RGS7: variants seen among roughly 807,000 people sequenced by gnomAD.
RGS7 encodes the protein regulator of G-protein signaling 7.
A neutral mutation model predicts 81.1 loss-of-function variants in RGS7; 27 were observed. That is an observed-to-expected ratio of 0.33 (90% CI 0.25 to 0.46). The LOEUF is 0.46. RGS7 is among the 20% of genes least tolerant of loss of function. RGS7 has a pLI of 1.00. For synonymous variants in RGS7, 208 were observed against 207.7 expected (o/e 1.00, Z -0.01); for missense variants, 396 against 607.4 (o/e 0.65, Z 3.66).
chr1:240,944,291 T>TGC (rs1299518487), intron 4 of RGS7, among the ~76,000 whole-genome samples: 16 of 24,116 alleles, frequency 6.6e-4, no homozygotes, highest in South Asian at 5.7e-3. Flanking sequence ...TGTATATATA[T>TGC]ATATATATAT....
intron 2 of RGS7, among the ~76,000 whole-genome samples, chr1:241,331,977 C>T (rs566405973): frequency 6.6e-5 from 10 of 152,178 alleles, no homozygotes; most frequent in Non-Finnish European, 1.3e-4. Context: ...AGAGAACAAT[C>T]GAGTTTCCAA....
intron 3 of RGS7, among the ~76,000 whole-genome samples, chr1:241,077,220 A>G (rs2062853296): frequency 1.3e-5 from 2 of 152,224 alleles, no homozygotes. Flanking sequence ...TGACAAAAGG[A>G]AGTTAGAACA....
At chr1:241,349,721 A>C (rs1233736647) in intron 2 of RGS7, among the ~76,000 whole-genome samples, 1 of 152,222 alleles carries the variant, frequency 6.6e-6, no homozygotes, top group Non-Finnish European at 1.5e-5. Flanking sequence ...AGCCTGAGTA[A>C]CCCTGACATC....
intron 3 of RGS7, among the ~76,000 whole-genome samples, chr1:241,004,012 G>A (rs770515795): frequency 3.3e-5 from 5 of 152,092 alleles, no homozygotes; most frequent in African/African-American, 7.2e-5. Context: ...CACCGTGCCC[G>A]GCCACTCACC....
intron 18 of RGS7, among the ~76,000 whole-genome samples, chr1:240,783,073 T>C (rs1684398786): frequency 6.6e-6 from 1 of 152,156 alleles, no homozygotes; most frequent in Non-Finnish European, 1.5e-5. Flanking sequence ...ACCTGAGACT[T>C]CAGCTGGCAC....
At chr1:240,900,522 C>T (rs959077263) in intron 6 of RGS7, among the ~76,000 whole-genome samples, 2 of 152,152 alleles carry the variant, frequency 1.3e-5, no homozygotes, top group African/African-American at 2.4e-5. Flanking sequence ...GGTCAGGACC[C>T]TCAGCTGCAG....
At chr1:241,333,409 C>T (rs888137532) in intron 2 of RGS7, among the ~76,000 whole-genome samples, 8 of 152,178 alleles carry the variant, frequency 5.3e-5, no homozygotes, top group African/African-American at 1.9e-4. Context: ...TTCAAAATGA[C>T]ATCTAGATAA....
In RGS7 at chr1:240,832,435, G is replaced by A. The variant is rs113274413; in HGVS notation, c.610-5263C>T. 6.2e-3 allele frequency among the ~76,000 whole-genome samples: 951 copies of A among 152,272 alleles called. 7 individuals carry two copies. Among genetic ancestry groups the A allele is most frequent in the African/African-American group, 0.021 (860 of 41,540 alleles). On this transcript the variant is annotated intron_variant, in intron 9 of 18. Transcript: ENST00000440928. Reference sequence around the variant, plus strand: ...TAAAGTAGGATTTAACATTGTGGAAGCCACTCCTGAGGGAGTAAACGGAGC... The same window carrying A: ...TAAAGTAGGATTTAACATTGTGGAAACCACTCCTGAGGGAGTAAACGGAGC...
chr1:241,033,445 AAAATG>A lies in RGS7; in HGVS notation c.176-50321_176-50317del, dbSNP rs1173779297. On this transcript the variant is annotated intron_variant, in intron 3 of 18. Transcript: ENST00000440928. ...TTCATGATGAAATTCTCATTGGTCC[AAAATG>A]AAATGAAAAATATAAAAATGATATA... is the stretch of plus-strand genomic sequence containing the variant. Among the ~76,000 whole-genome samples, 12 of 152,310 alleles carry A rather than the reference AAAATG, an allele frequency of 7.9e-5. 2 individuals carry two copies. The highest frequency in any genetic ancestry group is 7.2e-4 in the Admixed American group (11 of 15,300).
intron 3 of RGS7, among the ~76,000 whole-genome samples, chr1:241,052,696 A>G (rs2061313037): frequency 7.1e-6 from 1 of 140,128 alleles, no homozygotes; most frequent in Non-Finnish European, 1.6e-5. Flanking sequence ...TATAATTCTT[A>G]ACAATTCCCC....
chr1:241,014,215 T>C (rs947064120), intron 3 of RGS7, among the ~76,000 whole-genome samples: 1 of 152,202 alleles, frequency 6.6e-6, no homozygotes, highest in African/African-American at 2.4e-5. Context: ...TACATTTTAT[T>C]GAATTTGAAG....
chr1:241,306,347 G>A (rs1334584826), intron 2 of RGS7, among the ~76,000 whole-genome samples: 1 of 144,262 alleles, frequency 6.9e-6, no homozygotes, highest in Non-Finnish European at 1.5e-5. Context: ...ATCCTCACAT[G>A]TACATATACA....
At chr1:240,866,314 A>T (rs559604331) in intron 9 of RGS7, among the ~76,000 whole-genome samples, 97 of 151,990 alleles carry the variant, frequency 6.4e-4, no homozygotes, top group African/African-American at 2.3e-3. Context: ...GATCGAGATC[A>T]TCCTTGCTAA....
chr1:241,051,559 C>T (rs1411276914), intron 3 of RGS7, among the ~76,000 whole-genome samples: 1 of 151,928 alleles, frequency 6.6e-6, no homozygotes, highest in Non-Finnish European at 1.5e-5. Flanking sequence ...TCTCCCCGCA[C>T]CCCCCAACCC....
intron 2 of RGS7, among the ~76,000 whole-genome samples, chr1:241,257,251 C>T (rs567424420): frequency 2.0e-4 from 30 of 152,162 alleles, no homozygotes; most frequent in African/African-American, 7.2e-4. Context: ...TCATAGATGT[C>T]ACCTCTTTCT....
intron 9 of RGS7, among the ~76,000 whole-genome samples, chr1:240,827,444 A>G (rs995666487): frequency 1.3e-5 from 2 of 152,238 alleles, no homozygotes; most frequent in African/African-American, 4.8e-5. Context: ...CGGACTGCAC[A>G]TGTGAAAGTG....
chr1:240,802,813 T>C (rs1394814575), intron 16 of RGS7, 91 bp downstream of exon 16: 3 of 861,170 alleles, frequency 3.5e-6, no homozygotes, highest in Non-Finnish European at 6.1e-6. Context: ...TTACCATTAG[T>C]CCAATACCCT....
chr1:241,063,748 T>C (rs896022942), intron 3 of RGS7, among the ~76,000 whole-genome samples: 1 of 136,508 alleles, frequency 7.3e-6, no homozygotes, highest in African/African-American at 3.1e-5. Flanking sequence ...CACTGCTCTG[T>C]TTTTTTTTTA....
At chr1:240,950,273 G>C (rs1679340701) in intron 4 of RGS7, among the ~76,000 whole-genome samples, 1 of 152,122 alleles carries the variant, frequency 6.6e-6, no homozygotes, top group African/African-American at 2.4e-5. Context: ...ATCCAAGAAA[G>C]ATCCCTCATG....
Sources: allele counts gnomAD v4.1 joint callset (sites outside exome capture counted in the v4.1 genomes callset), GRCh38; gene constraint gnomAD v4.1.1; transcripts MANE v1.5; gene names NCBI Gene and HGNC (gene_info 2026-07-23, HGNC 2026-07-21).